SYT14: variants seen among roughly 807,000 people sequenced by gnomAD.
SYT14 encodes the protein synaptotagmin 14.
Under a neutral mutation model 74.2 loss-of-function variants are expected in SYT14, and 32 were observed. The ratio of observed to expected loss-of-function variants is 0.43; its 90% CI spans 0.33 to 0.58. The LOEUF (loss-of-function observed/expected upper bound fraction) is 0.58. SYT14 is among the 20% of genes least tolerant of loss of function. The pLI, the probability that SYT14 is intolerant of heterozygous loss-of-function variation, is 0.05. For synonymous variants in SYT14, 298 were observed against 337.7 expected, an observed-to-expected ratio of 0.88 and a Z score of 1.29; for missense variants, 791 against 981.8, an observed-to-expected ratio of 0.81 and a Z score of 2.60.
At chr1:210,162,746 A>G (rs747272969) in exon 10 of SYT14, 2 of 448,246 alleles carry the variant, frequency 4.5e-6, no homozygotes, top group African/African-American at 4.0e-5. Flanking sequence ...AGAAACCCAA[A>G]AAGACCGTGA....
At chr1:210,002,575 A>G (rs1236589280) in intron 2 of SYT14, among the ~76,000 whole-genome samples, 1 of 151,866 alleles carries the variant, frequency 6.6e-6, no homozygotes, top group Non-Finnish European at 1.5e-5. Context: ...TTATCGTCTG[A>G]AAGATTTCCA....
rs573130012 is a variant in SYT14 at position 210,131,545 on chromosome 1, TTA to T, written c.2035-24166_2035-24165del. Among the ~76,000 whole-genome samples the T allele has an allele frequency of 5.2e-4, 78 of 151,428 alleles. 1 individual carries two copies. The highest frequency in any genetic ancestry group is 7.7e-4 in the East Asian group (4 of 5,166). Reference sequence around the variant, plus strand: ...TTATCCTTCTATTTTTTATCATTATTTATATATATATGTATATGTACATATAC... The same window carrying T: ...TTATCCTTCTATTTTTTATCATTATTTATATATATGTATATGTACATATAC... On this transcript the variant is annotated intron_variant, in intron 7 of 9. Transcript: ENST00000637265.
At chr1:210,099,154 C>T (rs878983109) in intron 6 of SYT14, among the ~76,000 whole-genome samples, 1 of 151,988 alleles carries the variant, frequency 6.6e-6, no homozygotes, top group Admixed American at 6.5e-5. Flanking sequence ...CTTGAAGAGG[C>T]AAAGTGGTAT....
exon 10 of SYT14, chr1:210,169,992 T>A (rs957627827): frequency 9.2e-5 from 14 of 152,014 alleles, no homozygotes; most frequent in Non-Finnish European, 1.8e-4. Flanking sequence ...CTTTCATTTT[T>A]TCAGGCAAGA....
At chr1:209,945,700 G>A (rs1282719132) in intron 1 of SYT14, among the ~76,000 whole-genome samples, 1 of 152,136 alleles carries the variant, frequency 6.6e-6, no homozygotes, top group Non-Finnish European at 1.5e-5. Context: ...TGGTGATTTA[G>A]GCTAATGATC....
intron 5 of SYT14, among the ~76,000 whole-genome samples, chr1:210,029,561 A>G (rs978731963): frequency 2.0e-5 from 3 of 152,146 alleles, no homozygotes; most frequent in Non-Finnish European, 1.5e-5. Flanking sequence ...GTCAAAAATC[A>G]TTTGACCATA....
exon 4 of SYT14, chr1:210,017,091 C>A (rs910889018): frequency 1.6e-6 from 2 of 1,231,454 alleles, no homozygotes; most frequent in Non-Finnish European, 2.0e-6. Context: ...AAGATAATAC[C>A]AGAAAAAGGT....
chr1:210,157,213 G>A (rs189713501), intron 8 of SYT14, among the ~76,000 whole-genome samples: 4 of 151,706 alleles, frequency 2.6e-5, no homozygotes, highest in African/African-American at 4.8e-5. Context: ...AGGCTGAGGC[G>A]GGAGGATCAC....
chr1:210,044,923 TATTACCAAGGGGATGGTACTAAACC>T lies in SYT14; in HGVS notation c.1312+23673_1312+23697del, dbSNP rs548920105. ...AGTTGGCAGGGATGTCCCAGACTTT[TATTACCAAGGGGATGGTACTAAACC>T]ATTCATGAAGGATCTGTCCTTATGA... On this transcript the variant is annotated intron_variant, in intron 5 of 9. Coordinates refer to ENST00000637265, the Ensembl canonical transcript of SYT14. Among the ~76,000 whole-genome samples, 820 of 152,232 alleles carry T rather than the reference TATTACCAAGGGGATGGTACTAAACC, an allele frequency of 5.4e-3. 4 individuals carry two copies. Among genetic ancestry groups the T allele is most frequent in the African/African-American group, 0.018 (752 of 41,530 alleles).
In SYT14 at chr1:210,004,617, T is replaced by G. The variant is rs143967028; in HGVS notation, c.-485-9016T>G. Among the ~76,000 whole-genome samples the G allele has an allele frequency of 2.5e-3, 375 of 152,104 alleles. 1 individual carries two copies. The highest frequency in any genetic ancestry group is 5.5e-3 in the African/African-American group (229 of 41,556). Reference sequence around the variant, plus strand: ...GCACTACTTCTTACTTTATAACACCTTACTTATTGAAAAGTAGCTCCTACT... The same window carrying G: ...GCACTACTTCTTACTTTATAACACCGTACTTATTGAAAAGTAGCTCCTACT... On this transcript the variant is annotated intron_variant, in intron 2 of 9. Coordinates refer to ENST00000637265, the Ensembl canonical transcript of SYT14.
chr1:210,071,572 A>G (rs1180651030), intron 5 of SYT14, among the ~76,000 whole-genome samples: 6 of 152,020 alleles, frequency 3.9e-5, no homozygotes, highest in African/African-American at 1.2e-4. Flanking sequence ...TATTTATGCT[A>G]TTTTTAAAAG....
chr1:209,950,215 G>T (rs1186642808), intron 1 of SYT14, among the ~76,000 whole-genome samples: 3 of 152,134 alleles, frequency 2.0e-5, no homozygotes, highest in African/African-American at 7.2e-5. Context: ...TAAGTTACGT[G>T]TGTAACTTCT....
At chr1:209,997,441 A>G (rs2079818317) in intron 2 of SYT14, among the ~76,000 whole-genome samples, 1 of 152,164 alleles carries the variant, frequency 6.6e-6, no homozygotes, top group Non-Finnish European at 1.5e-5. Flanking sequence ...TATAAGGAAT[A>G]TTAAAAAACA....
At chr1:210,091,445 T>C (rs2081865650) in intron 5 of SYT14, among the ~76,000 whole-genome samples, 1 of 152,102 alleles carries the variant, frequency 6.6e-6, no homozygotes, top group Non-Finnish European at 1.5e-5. Context: ...TCCCAACACC[T>C]TGGGATGCCG....
intron 7 of SYT14, among the ~76,000 whole-genome samples, chr1:210,155,344 CAGTT>C (rs769163488): frequency 6.6e-6 from 1 of 152,236 alleles, no homozygotes; most frequent in South Asian, 2.1e-4. Context: ...TTTAAAGGCA[CAGTT>C]AGGACATTTG....
intron 2 of SYT14, among the ~76,000 whole-genome samples, chr1:209,959,065 C>T (rs2102704708): frequency 6.6e-6 from 1 of 152,110 alleles, no homozygotes; most frequent in South Asian, 2.1e-4. Context: ...AGGCCTATAC[C>T]CAAGAAAATT....
chr1:210,000,966 A>G (rs2102878429), intron 2 of SYT14, among the ~76,000 whole-genome samples: 1 of 152,162 alleles, frequency 6.6e-6, no homozygotes, highest in Admixed American at 6.5e-5. Flanking sequence ...TTAAGACTGA[A>G]TTATGTTTTT....
chr1:209,991,470 G>A (rs150405600), intron 2 of SYT14, among the ~76,000 whole-genome samples: 4 of 152,186 alleles, frequency 2.6e-5, no homozygotes, highest in African/African-American at 4.8e-5. Flanking sequence ...AGTGAGCAAC[G>A]GAAATGCACA....
At chr1:210,014,083 A>G (rs527649128) in intron 3 of SYT14, among the ~76,000 whole-genome samples, 39 of 152,270 alleles carry the variant, frequency 2.6e-4, no homozygotes, top group African/African-American at 9.1e-4. Context: ...ACACTTGAGG[A>G]AGAAGGAGGT....
Sources: allele counts gnomAD v4.1 joint callset (sites outside exome capture counted in the v4.1 genomes callset), GRCh38; gene constraint gnomAD v4.1.1; transcripts MANE v1.5; gene names NCBI Gene and HGNC (gene_info 2026-07-23, HGNC 2026-07-21).